The following ZC3H4 variants were observed in gnomAD, a reference collection of about 807,000 sequenced individuals.
The protein encoded by ZC3H4 is zinc finger CCCH domain-containing protein 4.
ZC3H4 carries 13 observed loss-of-function variants against 108.3 expected under a neutral mutation model. The ratio of observed to expected loss-of-function variants is 0.12; its 90% CI spans 0.08 to 0.19. The LOEUF is 0.19. Ranked by LOEUF, ZC3H4 falls within the 10% of genes least tolerant of loss-of-function variation. The probability of loss-of-function intolerance (pLI) is 1.00; values close to 1 mark genes in which losing one functional copy is unlikely to be tolerated. For synonymous variants in ZC3H4, 917 were observed against 749.6 expected (o/e 1.22, Z -3.65); for missense variants, 1,734 against 1,838.8 (o/e 0.94, Z 1.04).
Position 47,066,088 on chromosome 19 carries a change from T to C in ZC3H4, c.*268A>G, listed in dbSNP as rs919834576. ...TCTGAGGCCAGGCACTGGCGAAAGT[T>C]CACAGGTTTGCGGGCATGAGTCGGT... On this transcript the variant is annotated 3_prime_UTR_variant, in exon 15 of 15. Transcript: ENST00000253048. The C allele has an allele frequency of 1.6e-4, 52 of 330,358 alleles. No individual in the cohort carries two copies. The East Asian group carries it at 2.5e-3, about 16-fold the overall frequency. The allele number at this position is 330,358 out of a possible 1,614,324, so 20.5% of individuals were successfully genotyped here.
intron 2 of ZC3H4, chr19:47,110,754 G>GC: frequency 3.3e-6 from 1 of 303,986 alleles, no homozygotes; most frequent in South Asian, 1.3e-4. Context: ...GGGCCCGGAA[G>GC]CCCAACGAGG....
chr19:47,073,038 C>T (rs914163900), intron 11 of ZC3H4, among the ~76,000 whole-genome samples: 7 of 151,962 alleles, frequency 4.6e-5, no homozygotes, highest in South Asian at 2.1e-4. Flanking sequence ...TTTGGGAGGC[C>T]GAGGTGGGTG....
At chr19:47,073,824 C>T (rs2057371901) in intron 11 of ZC3H4, among the ~76,000 whole-genome samples, 1 of 152,212 alleles carries the variant, frequency 6.6e-6, no homozygotes. Flanking sequence ...TGGGCGCTTT[C>T]ACTTAGCAAA....
chr19:47,092,361 G>A lies in ZC3H4; in HGVS notation c.492+1609C>T, dbSNP rs568409300. Among the ~76,000 whole-genome samples, 18 of 152,298 alleles carry A rather than the reference G, an allele frequency of 1.2e-4. No individual in the cohort carries two copies. In the South Asian group the frequency reaches 3.1e-3, roughly 26 times the overall value. On this transcript the variant is annotated intron_variant, in intron 4 of 14. Coordinates refer to ENST00000253048, the MANE Select transcript of ZC3H4 (RefSeq NM_015168.2). The stretch of plus-strand genomic sequence containing the variant: ...TCCAGCTCTAGTTCATAAAAAGCAC[G>A]CAATGTTCCCTCCATTTCCTGCCTC...
chr19:47,067,519 C>A lies in ZC3H4; in HGVS notation c.2749G>T (p.Gly917Trp), dbSNP rs773776889. 5 of 1,595,116 alleles carry A rather than the reference C, an allele frequency of 3.1e-6. No individual in the cohort carries two copies. In the East Asian group the frequency reaches 1.1e-4, roughly 36 times the overall value. ...TCCTCCGTTGGGGGCGGCCCAGACC[C>A]CTTGGAACTGCTGGGGCCCACAGGG... is the stretch of plus-strand genomic sequence containing the variant. Reference protein sequence around the residue: ...SSPVGPSSSKGSGPPPTEEEE... With the variant: ...SSPVGPSSSKWSGPPPTEEEE... The change falls in exon 15 of 15, where the codon GGG (glycine) becomes TGG (tryptophan). Residue 917 changes from glycine to tryptophan, a missense_variant. By Grantham distance (184) the Gly-to-Trp change is radical. Transcript: ENST00000253048. The surrounding 1 kb of genome is among the most constrained non-coding windows in gnomAD (Gnocchi z 6.4).
At chr19:47,079,836 G>A (rs1341645990) in intron 11 of ZC3H4, among the ~76,000 whole-genome samples, 1 of 152,130 alleles carries the variant, frequency 6.6e-6, no homozygotes. Flanking sequence ...GCAGGGAGCC[G>A]AGATTGTGCC....
rs764312368 is a variant in ZC3H4, at chr19:47,072,021, C to T, written c.1903G>A (p.Asp635Asn). 13 of 1,589,806 alleles carry T rather than the reference C, an allele frequency of 8.2e-6. No individual in the cohort carries two copies. Among genetic ancestry groups the T allele is most frequent in the African/African-American group, 4.0e-5 (3 of 74,354 alleles). The stretch of plus-strand genomic sequence containing the variant: ...TCAGGGTGCATGTCCGGGTGCATGT[C>T]GGGGTGCATGTCAGGATGCATTGGA... ...GGPMHPDMHP[D>N]MHPDMHPDMH... The change falls in exon 13 of 15, where the codon GAC (aspartate) becomes AAC (asparagine). Residue 635 changes from aspartate (D) to asparagine (N), a missense_variant. By Grantham distance (23) the Asp-to-Asn change is conservative (BLOSUM62 1). Transcript: ENST00000253048. The surrounding 1 kb of genome is among the most constrained non-coding windows in gnomAD (Gnocchi z 5.6).
At position 47,066,789 on chromosome 19, in the gene ZC3H4, G is replaced by C. The variant is rs1265918688; in HGVS notation, c.3479C>G (p.Ala1160Gly). 2 of 1,601,464 alleles carry C rather than the reference G, an allele frequency of 1.2e-6. No homozygotes were observed. The highest frequency in any genetic ancestry group is 1.7e-6 in the Non-Finnish European group (2 of 1,178,334). Residue 1160 changes from alanine to glycine, a missense_variant, in exon 15 of 15, where the codon GCC becomes GGC. By Grantham distance (60) the Ala-to-Gly change is moderately conservative. Coordinates refer to ENST00000253048, the MANE Select transcript of ZC3H4 (RefSeq NM_015168.2). Reference sequence around the variant, plus strand: ...ACCCGTGTCAGCAGCCGGCTCTGTGGCTTTGCCCCCCGCGTTGGGAGTCCT... The same window carrying C: ...ACCCGTGTCAGCAGCCGGCTCTGTGCCTTTGCCCCCCGCGTTGGGAGTCCT... ...DPRTPNAGGKATEPAADTGAQ... is the reference protein window; with the variant it reads ...DPRTPNAGGKGTEPAADTGAQ...
Position 47,067,679 on chromosome 19 carries a change from G to C in ZC3H4, c.2589C>G (p.Arg863=). The C allele has an allele frequency of 6.2e-7, 1 of 1,600,530 alleles. No individual in the cohort carries two copies. Among genetic ancestry groups the C allele is most frequent in the South Asian group, 1.1e-5 (1 of 89,882 alleles). ...HPTGSRLADP[R]LSRDPRLTRH... is the part of the protein sequence containing the mutation. ...GGGTGAGTCTGGGGTCCCGGCTGAG[G>C]CGAGGGTCAGCCAGCCGGCTTCCTG... The change falls in exon 15 of 15, where the codon CGC becomes CGG. Residue 863 remains arginine (R), a synonymous_variant. Coordinates refer to ENST00000253048, the MANE Select transcript of ZC3H4 (RefSeq NM_015168.2). This position sits in a 1 kb window ranked among gnomAD's most constrained non-coding sequence, Gnocchi z 6.4.
At position 47,081,545 on chromosome 19, in the gene ZC3H4, G is replaced by C; in HGVS notation, c.1408C>G (p.Leu470Val). 4 of 1,614,236 alleles carry C rather than the reference G, an allele frequency of 2.5e-6. No individual in the cohort carries two copies. Among genetic ancestry groups the C allele is most frequent in the Non-Finnish European group, 3.4e-6 (4 of 1,180,034 alleles). The change falls in exon 11 of 15, where the codon CTG (leucine) becomes GTG (valine). Residue 470 changes from leucine (L) to valine (V), a missense_variant. Physicochemically the swap from Leu to Val is conservative, Grantham distance 32. Coordinates refer to ENST00000253048, the MANE Select transcript of ZC3H4 (RefSeq NM_015168.2). ...GDDCMFSHDP[L>V]TEETRELLDK... ...AAGAGCTCCCTCGTCTCTTCGGTCA[G>C]AGGGTCGTGGGAAAACATGCAGTCG...
intron 1 of ZC3H4, chr19:47,113,154 G>A (rs890572281): frequency 6.6e-6 from 1 of 152,644 alleles, no homozygotes; most frequent in Non-Finnish European, 1.5e-5. Context: ...GCTGAGGCGG[G>A]AGGAAGGGTG....
chr19:47,092,152 G>T (rs935980228), intron 4 of ZC3H4, among the ~76,000 whole-genome samples: 1 of 150,640 alleles, frequency 6.6e-6, no homozygotes, highest in African/African-American at 2.4e-5. Context: ...CTGCAGTGAG[G>T]TGAGATCACA....
intron 4 of ZC3H4, among the ~76,000 whole-genome samples, chr19:47,091,839 G>A (rs1296770352): frequency 6.6e-6 from 1 of 151,972 alleles, no homozygotes; most frequent in Non-Finnish European, 1.5e-5. Context: ...GTTGCAGTGA[G>A]CCGAGATTGT....
At chr19:47,101,639 G>A (rs1035622083) in intron 2 of ZC3H4, among the ~76,000 whole-genome samples, 69 of 152,186 alleles carry the variant, frequency 4.5e-4, no homozygotes, top group African/African-American at 1.6e-3. Flanking sequence ...TTGGGAGGCT[G>A]AGGCGGGCGG....
intron 2 of ZC3H4, among the ~76,000 whole-genome samples, chr19:47,099,821 TAAAAAAAAAA>T (rs34876026): frequency 0.016 from 1,614 of 103,150 alleles, 40 homozygotes; most frequent in African/African-American, 0.054. Flanking sequence ...TACAAGAGTT[TAAAAAAAAAA>T]AAAAAAAAAA....
chr19:47,073,478 A>G (rs535366688), intron 11 of ZC3H4, among the ~76,000 whole-genome samples: 132 of 152,306 alleles, frequency 8.7e-4, no homozygotes, highest in Non-Finnish European at 7.2e-4. Context: ...AGGCTGAGGC[A>G]GAAGAATCGC....
chr19:47,079,405 T>C (rs1367478597), intron 11 of ZC3H4, among the ~76,000 whole-genome samples: 1 of 149,648 alleles, frequency 6.7e-6, no homozygotes, highest in Non-Finnish European at 1.5e-5. Flanking sequence ...TTAATGTGGC[T>C]ACTGGAAAAT....
chr19:47,094,639 A>C, intron 2 of ZC3H4, 31 bp from the exon 3 acceptor site: 1 of 1,606,414 alleles, frequency 6.2e-7, no homozygotes, highest in Non-Finnish European at 8.5e-7. Flanking sequence ...CACCATGAAC[A>C]CAGGGTTTGA....
intron 5 of ZC3H4, among the ~76,000 whole-genome samples, 159 bp from the exon 6 acceptor site, chr19:47,086,697 T>G (rs1279605309): frequency 1.3e-5 from 2 of 152,266 alleles, no homozygotes; most frequent in African/African-American, 4.8e-5. Context: ...ATGCCCCAGG[T>G]AGGCTACTGG....
Sources: allele counts gnomAD v4.1 joint callset (sites outside exome capture counted in the v4.1 genomes callset), GRCh38; gene constraint gnomAD v4.1.1; non-coding constraint Gnocchi (gnomAD v3.1); transcripts MANE v1.5; gene names NCBI Gene and HGNC (gene_info 2026-07-23, HGNC 2026-07-21).